RNF212B: variants seen among roughly 807,000 people sequenced by gnomAD.
The protein encoded by RNF212B is ring finger protein 212B.
Under a neutral mutation model 55.5 loss-of-function variants are expected in RNF212B, and 52 were observed. That is an observed-to-expected ratio of 0.94 (90% CI 0.75 to 1.18). The LOEUF (loss-of-function observed/expected upper bound fraction) is 1.18, where lower values mean the gene tolerates loss of function less well. RNF212B is among the 50% of genes most tolerant of loss of function. The probability of loss-of-function intolerance (pLI) is 0.00; values close to 1 mark genes in which losing one functional copy is unlikely to be tolerated. For synonymous variants in RNF212B, 99 were observed against 121.4 expected (o/e 0.82, Z 1.21); for missense variants, 289 against 350.4 (o/e 0.82, Z 1.40).
chr14:23,218,118 T>C lies in RNF212B; in HGVS notation c.-1-22227T>C, dbSNP rs1280706192. ...GCGCTGTGGCTCATGCCTGTAATCC[T>C]AGCACTTTGGGAGGCTGAGGTGGGC... On this transcript the variant is annotated intron_variant, in intron 2 of 15. Coordinates refer to the RNF212B transcript ENST00000399910. 3.3e-5 allele frequency among the ~76,000 whole-genome samples: 5 copies of C among 151,966 alleles called. No individual in the cohort carries two copies. In the South Asian group the frequency reaches 6.2e-4, roughly 19 times the overall value.
At chr14:23,197,582 A>G (rs1013784414) in intron 2 of RNF212B, among the ~76,000 whole-genome samples, 1 of 152,138 alleles carries the variant, frequency 6.6e-6, no homozygotes, top group Admixed American at 6.5e-5. Context: ...TAAGCAAATT[A>G]AAAATTATTT....
chr14:23,223,466 C>T (rs1188786592), intron 2 of RNF212B, among the ~76,000 whole-genome samples: 1 of 152,024 alleles, frequency 6.6e-6, no homozygotes, highest in Non-Finnish European at 1.5e-5. Context: ...CGCCATTCTT[C>T]TGCCTCAGCC....
chr14:23,227,957 A>G (rs920065273), intron 2 of RNF212B, among the ~76,000 whole-genome samples: 1 of 149,336 alleles, frequency 6.7e-6, no homozygotes, highest in African/African-American at 2.4e-5. Context: ...AATGCCAGGC[A>G]TGGTGGCTCA....
At chr14:23,230,510 C>T (rs1882501728) in intron 2 of RNF212B, among the ~76,000 whole-genome samples, 3 of 151,732 alleles carry the variant, frequency 2.0e-5, no homozygotes, top group South Asian at 2.1e-4. Flanking sequence ...AAAAATTAGC[C>T]GGGTGTGGTG....
At chr14:23,193,033 T>G (rs926806188) in intron 1 of RNF212B, among the ~76,000 whole-genome samples, 1 of 144,744 alleles carries the variant, frequency 6.9e-6, no homozygotes, top group Non-Finnish European at 1.5e-5. Flanking sequence ...TGGAGGTTGC[T>G]GTGAGACGAG....
intron 2 of RNF212B, among the ~76,000 whole-genome samples, chr14:23,225,872 C>T (rs982036737): frequency 2.6e-5 from 4 of 152,014 alleles, no homozygotes; most frequent in Non-Finnish European, 5.9e-5. Flanking sequence ...GATAAAAGCA[C>T]GAGGGGATCG....
intron 1 of RNF212B, among the ~76,000 whole-genome samples, chr14:23,186,559 A>T (rs890495695): frequency 6.6e-6 from 1 of 152,132 alleles, no homozygotes; most frequent in African/African-American, 2.4e-5. Flanking sequence ...CCTGTTGGTT[A>T]GGCTCGTCTT....
At chr14:23,254,750 C>T (rs921318795) in intron 4 of RNF212B, among the ~76,000 whole-genome samples, 2 of 152,082 alleles carry the variant, frequency 1.3e-5, no homozygotes, top group African/African-American at 2.4e-5. Context: ...TGGACCAAAA[C>T]GTCTTGTCTT....
At chr14:23,272,598 C>T in intron 14 of RNF212B, 1 of 548,812 alleles carries the variant, frequency 1.8e-6, no homozygotes, top group Non-Finnish European at 3.2e-6. Flanking sequence ...AAATATTCAT[C>T]CTTATTATTA....
chr14:23,257,953 A>G (rs987686321), intron 4 of RNF212B, among the ~76,000 whole-genome samples: 8 of 152,214 alleles, frequency 5.3e-5, no homozygotes, highest in African/African-American at 1.9e-4. Context: ...CTAAGCTTGA[A>G]AAACAGTTTT....
intron 1 of RNF212B, among the ~76,000 whole-genome samples, chr14:23,185,901 A>C (rs1877544628): frequency 6.6e-6 from 1 of 152,152 alleles, no homozygotes; most frequent in Admixed American, 6.5e-5. Context: ...GGAGTTCAAG[A>C]CCAGACTGGG....
At position 23,199,258 on chromosome 14, in the gene RNF212B, G is replaced by A. The variant is rs138695526; in HGVS notation, c.-2+5857G>A. Reference sequence around the variant, plus strand: ...AGACATCAATCAATATATGTAAGAAGTACATTGGTTCAGTCTGGAAAGGCA... The same window carrying A: ...AGACATCAATCAATATATGTAAGAAATACATTGGTTCAGTCTGGAAAGGCA... On this transcript the variant is annotated intron_variant, in intron 2 of 15. Transcript: ENST00000399910. Among the ~76,000 whole-genome samples the A allele has an allele frequency of 9.8e-5, 15 of 152,332 alleles. No homozygotes were observed. In the East Asian group the frequency reaches 2.9e-3, roughly 29 times the overall value.
At chr14:23,264,793 C>A (rs1885557497) in intron 11 of RNF212B, 122 bp downstream of exon 11, 2 of 453,176 alleles carry the variant, frequency 4.4e-6, no homozygotes, top group African/African-American at 2.0e-5. Context: ...ACAGTGATTC[C>A]ATGTATCCAT....
At chr14:23,240,767 T>C (rs1174956325) in intron 2 of RNF212B, among the ~76,000 whole-genome samples, 2 of 152,160 alleles carry the variant, frequency 1.3e-5, no homozygotes, top group African/African-American at 4.8e-5. Context: ...TGGATGGGAA[T>C]AGAGGAAAGT....
chr14:23,252,375 A>G (rs1239380582), intron 4 of RNF212B, among the ~76,000 whole-genome samples: 1 of 152,218 alleles, frequency 6.6e-6, no homozygotes, highest in African/African-American at 2.4e-5. Flanking sequence ...AAATCAGCCC[A>G]TTAAAAAAAA....
intron 2 of RNF212B, among the ~76,000 whole-genome samples, chr14:23,229,549 A>G (rs940032226): frequency 6.6e-6 from 1 of 152,004 alleles, no homozygotes; most frequent in African/African-American, 2.4e-5. Flanking sequence ...CTCCTAAAAC[A>G]TATTTTCATT....
chr14:23,236,678 T>C (rs183683023), upstream of RNF212B, among the ~76,000 whole-genome samples: 418 of 152,162 alleles, frequency 2.7e-3, 4 homozygotes, highest in African/African-American at 9.6e-3. Context: ...TTGGTAAATA[T>C]TGGTAGATGC....
At chr14:23,216,208 T>C (rs773526883) in intron 2 of RNF212B, among the ~76,000 whole-genome samples, 22 of 151,942 alleles carry the variant, frequency 1.4e-4, no homozygotes, top group Non-Finnish European at 2.2e-4. Context: ...ATCGTGCCAC[T>C]GCACTCCAGC....
intron 2 of RNF212B, among the ~76,000 whole-genome samples, chr14:23,231,913 A>G (rs1882651619): frequency 6.6e-6 from 1 of 151,746 alleles, no homozygotes; most frequent in African/African-American, 2.4e-5. Context: ...AGGTGCCGGG[A>G]TTGCAGACGG....
Sources: gnomAD v4.1 joint callset for allele counts (sites outside exome capture counted in the v4.1 genomes callset) on GRCh38, gnomAD v4.1.1 for gene constraint, MANE v1.5 for transcripts, NCBI Gene and HGNC (gene_info 2026-07-23, HGNC 2026-07-21) for gene names.